The following FMN2 variants were observed in gnomAD, a reference collection of about 807,000 sequenced individuals.
The protein encoded by FMN2 is formin 2.
Under a neutral mutation model 142.3 loss-of-function variants are expected in FMN2, and 51 were observed. The observed-to-expected ratio is 0.36, with a 90% confidence interval of 0.29 to 0.45. The LOEUF (loss-of-function observed/expected upper bound fraction) is 0.45. FMN2 is among the 20% of genes least tolerant of loss of function. The probability of loss-of-function intolerance (pLI) is 1.00; values close to 1 mark genes in which losing one functional copy is unlikely to be tolerated. For synonymous variants in FMN2, 882 were observed against 869.8 expected (o/e 1.01, Z -0.25); for missense variants, 1,936 against 2,122.8 (o/e 0.91, Z 1.73).
At chr1:240,362,398 A>G (rs1672516971) in intron 14 of FMN2, among the ~76,000 whole-genome samples, 1 of 152,152 alleles carries the variant, frequency 6.6e-6, no homozygotes, top group Non-Finnish European at 1.5e-5. Context: ...TTTGGTGTTA[A>G]ATTTTCTATT....
chr1:240,235,334 A>G (rs897627253), intron 6 of FMN2, among the ~76,000 whole-genome samples: 3 of 152,302 alleles, frequency 2.0e-5, no homozygotes, highest in African/African-American at 4.8e-5. Flanking sequence ...TAATATTGCT[A>G]TGATATTCAT....
chr1:240,241,830 T>C lies in FMN2; in HGVS notation c.4066-16115T>C, dbSNP rs1478241267. 1.5e-3 allele frequency among the ~76,000 whole-genome samples: 75 copies of C among 50,484 alleles called. 1 individual carries two copies. In the South Asian group the frequency reaches 0.024, roughly 16 times the overall value. The allele number at this position is 50,484 out of a possible 152,430, so 33.1% of individuals were successfully genotyped here. ...CTTTATTTTAGTGTGCCTTGCTTTT[T>C]TTTTTTTTTTTTTTTTTTTTTTTTG... On this transcript the variant is annotated intron_variant, in intron 6 of 17. Transcript: ENST00000319653.
intron 6 of FMN2, among the ~76,000 whole-genome samples, chr1:240,221,245 G>T (rs1667099957): frequency 6.6e-6 from 1 of 152,134 alleles, no homozygotes. Flanking sequence ...TAATGGGATT[G>T]CTGGGTCAAA....
chr1:240,202,467 A>G (rs963902057), intron 4 of FMN2, among the ~76,000 whole-genome samples: 8 of 152,060 alleles, frequency 5.3e-5, no homozygotes, highest in Non-Finnish European at 1.2e-4. Flanking sequence ...ATGCTAGGCC[A>G]TTATTAGGAT....
At chr1:240,112,157 G>A (rs559105713) in intron 1 of FMN2, among the ~76,000 whole-genome samples, 5 of 143,784 alleles carry the variant, frequency 3.5e-5, no homozygotes, top group South Asian at 2.2e-4. Flanking sequence ...TTTTTGAGAC[G>A]GAGTCTCACT....
At chr1:240,413,145 A>T (rs1361698357) in intron 15 of FMN2, among the ~76,000 whole-genome samples, 1 of 148,808 alleles carries the variant, frequency 6.7e-6, no homozygotes, top group Non-Finnish European at 1.5e-5. Flanking sequence ...AAAAAAAAAA[A>T]AAAAGCAGCA....
chr1:240,113,961 G>A (rs1218228305), intron 1 of FMN2, among the ~76,000 whole-genome samples: 1 of 152,156 alleles, frequency 6.6e-6, no homozygotes, highest in African/African-American at 2.4e-5. Context: ...ATATTTCTGT[G>A]TAAGTAAATG....
chr1:240,364,851 A>G (rs866153128), intron 14 of FMN2, among the ~76,000 whole-genome samples: 2 of 152,224 alleles, frequency 1.3e-5, no homozygotes, highest in East Asian at 1.9e-4. Context: ...ATGACTGTCA[A>G]TTCAACACAA....
intron 7 of FMN2, among the ~76,000 whole-genome samples, chr1:240,281,687 T>C (rs1669400900): frequency 1.3e-5 from 2 of 152,318 alleles, no homozygotes; most frequent in Non-Finnish European, 2.9e-5. Flanking sequence ...CCTTTCAATG[T>C]CGTACCATTT....
At chr1:240,330,571 A>C in intron 10 of FMN2, 32 bp from the exon 11 acceptor site, 2 of 1,601,664 alleles carry the variant, frequency 1.2e-6, no homozygotes, top group Non-Finnish European at 1.7e-6. Flanking sequence ...TATAAGATAA[A>C]AGTTGTTTTT....
intron 14 of FMN2, among the ~76,000 whole-genome samples, chr1:240,382,294 A>G (rs1673250717): frequency 6.6e-6 from 1 of 152,214 alleles, no homozygotes; most frequent in Non-Finnish European, 1.5e-5. Flanking sequence ...CTGCAAGGAG[A>G]ACTACAAAAC....
At chr1:240,236,715 T>C (rs549206206) in intron 6 of FMN2, among the ~76,000 whole-genome samples, 1 of 152,248 alleles carries the variant, frequency 6.6e-6, no homozygotes, top group Admixed American at 6.5e-5. Flanking sequence ...TGGGAACTAA[T>C]AGAGTGATAA....
intron 8 of FMN2, among the ~76,000 whole-genome samples, chr1:240,316,284 G>C (rs918554808): frequency 6.6e-6 from 1 of 152,172 alleles, no homozygotes; most frequent in Non-Finnish European, 1.5e-5. Flanking sequence ...TGTTCATAGA[G>C]AGGCAGTATC....
intron 14 of FMN2, among the ~76,000 whole-genome samples, chr1:240,383,437 A>G (rs1183676704): frequency 2.6e-5 from 4 of 152,180 alleles, no homozygotes; most frequent in Admixed American, 1.3e-4. Flanking sequence ...ATCCCATTAA[A>G]AAGTTGACAT....
intron 16 of FMN2, among the ~76,000 whole-genome samples, chr1:240,467,274 T>A (rs372053325): frequency 0.03 from 3,107 of 105,210 alleles, 112 homozygotes; most frequent in African/African-American, 0.12. Context: ...AGTTAAATCG[T>A]TCCTTTTTTT....
rs1322270903 is a variant in FMN2 at position 240,128,140 on chromosome 1, T to C, written c.1782+4795T>C. 3.9e-5 allele frequency among the ~76,000 whole-genome samples: 6 copies of C among 152,334 alleles called. No individual in the cohort carries two copies. In the East Asian group the frequency reaches 1.2e-3, roughly 29 times the overall value. ...AGAAAACAGGGATCATACTAATGCTTGCTACTTGGCAGATTATATTGTTGA... is the reference window on the plus strand; with the variant it reads ...AGAAAACAGGGATCATACTAATGCTCGCTACTTGGCAGATTATATTGTTGA... On this transcript the variant is annotated intron_variant, in intron 2 of 17. Coordinates refer to ENST00000319653, the MANE Select transcript of FMN2 (RefSeq NM_020066.5).
chr1:240,348,562 C>T (rs1671994090), intron 13 of FMN2, among the ~76,000 whole-genome samples: 2 of 149,206 alleles, frequency 1.3e-5, no homozygotes, highest in Admixed American at 6.7e-5. Flanking sequence ...AAAAGCCATT[C>T]TGACTGGCGT....
At chr1:240,186,589 CCA>C (rs1198739580) in intron 3 of FMN2, among the ~76,000 whole-genome samples, 5 of 152,200 alleles carry the variant, frequency 3.3e-5, no homozygotes, top group Non-Finnish European at 7.3e-5. Flanking sequence ...AAGGAAGCAG[CCA>C]CAGAGTGGGG....
chr1:240,414,535 G>A (rs567842045), intron 15 of FMN2, among the ~76,000 whole-genome samples: 1 of 152,298 alleles, frequency 6.6e-6, no homozygotes, highest in East Asian at 1.9e-4. Context: ...CATTTGTAGG[G>A]ATGTTTTGCT....
Sources: allele counts gnomAD v4.1 joint callset (sites outside exome capture counted in the v4.1 genomes callset), GRCh38; gene constraint gnomAD v4.1.1; transcripts MANE v1.5; gene names NCBI Gene and HGNC (gene_info 2026-07-23, HGNC 2026-07-21).